The following COL4A2 variants were observed in gnomAD, a reference collection of about 807,000 sequenced individuals.
COL4A2 encodes collagen alpha-2(IV) chain.
A neutral mutation model predicts 200.2 loss-of-function variants in COL4A2; 99 were observed. The ratio of observed to expected loss-of-function variants is 0.49; its 90% CI spans 0.42 to 0.58. The LOEUF (loss-of-function observed/expected upper bound fraction) is 0.58. Among genes scored for constraint, COL4A2 ranks in the 20% least tolerant of loss-of-function variants. COL4A2 has a pLI of 0.00. For synonymous variants in COL4A2, 897 were observed against 900.6 expected (o/e 1.00, Z 0.07); for missense variants, 1,950 against 2,314.1 (o/e 0.84, Z 3.23).
At position 110,321,178 on chromosome 13, in the gene COL4A2, ATGTGTGTG is replaced by A. The variant is rs10602824; in HGVS notation, c.99+13065_99+13072del. On this transcript the variant is annotated intron_variant, in intron 3 of 47. Coordinates refer to ENST00000360467, the MANE Select transcript of COL4A2 (RefSeq NM_001846.4). Reference sequence around the variant, plus strand: ...ATATGTGCGTATTTATATAGTGTGCATGTGTGTGTGTGTGTGTATGTGTCTGTGTGTAT... The same window carrying A: ...ATATGTGCGTATTTATATAGTGTGCATGTGTGTGTATGTGTCTGTGTGTAT... Among the ~76,000 whole-genome samples the A allele has an allele frequency of 5.7e-3, 854 of 149,872 alleles. 7 individuals are homozygous for A. Among genetic ancestry groups the A allele is most frequent in the African/African-American group, 0.02 (806 of 40,724 alleles).
intron 47 of COL4A2, among the ~76,000 whole-genome samples, chr13:110,509,262 TATATATATAC>T (rs990761448): frequency 9.2e-5 from 11 of 120,090 alleles, no homozygotes; most frequent in South Asian, 2.7e-4. Context: ...TATATATATA[TATATATATAC>T]ACACACACAC....
At chr13:110,443,958 A>C (rs1881229912) in intron 16 of COL4A2, among the ~76,000 whole-genome samples, 1 of 152,196 alleles carries the variant, frequency 6.6e-6, no homozygotes, top group Non-Finnish European at 1.5e-5. Context: ...CAGTGGTCTC[A>C]GATGAACCCT....
intron 45 of COL4A2, 112 bp from the exon 46 acceptor site, chr13:110,506,303 T>G: frequency 9.9e-7 from 1 of 1,014,730 alleles, no homozygotes; most frequent in Non-Finnish European, 1.4e-6. Flanking sequence ...CACCAGGCCG[T>G]CCACTCTCTC....
intron 21 of COL4A2, chr13:110,458,231 A>G: frequency 2.4e-6 from 1 of 418,996 alleles, no homozygotes; most frequent in Non-Finnish European, 4.9e-6. Context: ...GCCCTGGGGG[A>G]GCCAACCCCT....
Position 110,493,300 on chromosome 13 carries a change from A to G in COL4A2, c.3634+18A>G. 6.2e-7 allele frequency: 1 copy of G among 1,613,718 alleles called. No individual in the cohort carries two copies. The highest frequency in any genetic ancestry group is 8.5e-7 in the Non-Finnish European group (1 of 1,179,732). On this transcript the variant is annotated intron_variant, in intron 39 of 47. Transcript: ENST00000360467. ...ATCCCCAGGTACTCTGTGCCGTCCC[A>G]GCCCCGAGTCCCACGCAGAGGTGTC...
intron 16 of COL4A2, 69 bp downstream of exon 16, chr13:110,439,902 C>T: frequency 6.5e-7 from 1 of 1,547,328 alleles, no homozygotes; most frequent in Non-Finnish European, 8.7e-7. Context: ...AATAAATAGG[C>T]CTTGGCATCT....
Position 110,445,895 on chromosome 13 carries a change from C to T in COL4A2, c.1011+13C>T. On this transcript the variant is annotated intron_variant, in intron 17 of 47. Coordinates refer to ENST00000360467, the MANE Select transcript of COL4A2 (RefSeq NM_001846.4). ...CCGGGGACCCAAGGTGAGCCCGTTT[C>T]TCATGTCTTTGCCACTTATGGTGTC... is the stretch of plus-strand genomic sequence containing the variant. 1 of 1,614,178 alleles carries T rather than the reference C, an allele frequency of 6.2e-7. No individual in the cohort carries two copies. Among genetic ancestry groups the T allele is most frequent in the East Asian group, 2.2e-5 (1 of 44,888 alleles).
intron 4 of COL4A2, among the ~76,000 whole-genome samples, chr13:110,403,520 C>T (rs1438618066): frequency 6.6e-6 from 1 of 152,180 alleles, no homozygotes; most frequent in African/African-American, 2.4e-5. Context: ...TCTGAGACCT[C>T]ATCAGAATGG....
intron 4 of COL4A2, among the ~76,000 whole-genome samples, chr13:110,417,981 C>A (rs1446463603): frequency 6.6e-6 from 1 of 152,084 alleles, no homozygotes; most frequent in Admixed American, 6.5e-5. Context: ...TCCAAAGAGG[C>A]TGCACCCTTT....
At chr13:110,386,287 T>TA (rs1008314519) in intron 4 of COL4A2, among the ~76,000 whole-genome samples, 4 of 149,714 alleles carry the variant, frequency 2.7e-5, no homozygotes, top group African/African-American at 9.7e-5. Flanking sequence ...ACCTTTGGTG[T>TA]AAAAAATCCT....
At chr13:110,405,376 G>A (rs1239104738) in intron 4 of COL4A2, among the ~76,000 whole-genome samples, 1 of 152,202 alleles carries the variant, frequency 6.6e-6, no homozygotes, top group Admixed American at 6.5e-5. Context: ...ATGGAAGCCT[G>A]GGTTGAGTCT....
At chr13:110,450,160 C>CTATA in intron 19 of COL4A2, 145 bp from the exon 20 acceptor site, 1 of 677,156 alleles carries the variant, frequency 1.5e-6, no homozygotes, top group East Asian at 2.6e-5. Flanking sequence ...GGATAATGAA[C>CTATA]TATACCAATG....
chr13:110,410,636 T>C (rs1176205184), intron 4 of COL4A2, among the ~76,000 whole-genome samples: 1 of 152,206 alleles, frequency 6.6e-6, no homozygotes, highest in Non-Finnish European at 1.5e-5. Flanking sequence ...ACCCTTTTGT[T>C]TTCTTCACGA....
intron 3 of COL4A2, among the ~76,000 whole-genome samples, chr13:110,335,451 A>C (rs574828406): frequency 2.0e-5 from 3 of 152,110 alleles, no homozygotes; most frequent in Admixed American, 6.5e-5. Context: ...TTGCTTGGTT[A>C]TCACTCTCTC....
intron 47 of COL4A2, among the ~76,000 whole-genome samples, chr13:110,511,325 T>TATATTTAATTACACAAGTAATAC: frequency 6.6e-6 from 1 of 151,994 alleles, no homozygotes; most frequent in South Asian, 2.1e-4. Context: ...TGAAAAAATA[T>TATATTTAATTACACAAGTAATAC]ATATTTAATT....
intron 25 of COL4A2, 75 bp downstream of exon 25, chr13:110,465,681 T>A: frequency 7.6e-7 from 1 of 1,318,482 alleles, no homozygotes; most frequent in Non-Finnish European, 1.0e-6. Flanking sequence ...TGTAGACGTT[T>A]CCCAGTAGAG....
intron 3 of COL4A2, among the ~76,000 whole-genome samples, chr13:110,321,072 A>G (rs1045628937): frequency 1.1e-4 from 16 of 152,152 alleles, no homozygotes; most frequent in Non-Finnish European, 1.5e-4. Context: ...CACATTATCA[A>G]TATAGCACCT....
intron 4 of COL4A2, among the ~76,000 whole-genome samples, chr13:110,377,213 G>C (rs1360092151): frequency 1.3e-5 from 2 of 152,160 alleles, no homozygotes; most frequent in Non-Finnish European, 2.9e-5. Context: ...TGCATTGTCA[G>C]ATGTTTCTTG....
chr13:110,507,636 G>A, intron 46 of COL4A2: 1 of 500,736 alleles, frequency 2.0e-6, no homozygotes, highest in South Asian at 2.4e-5. Context: ...CCCCACTAAG[G>A]TAAGGCTCAC....
Sources: allele counts gnomAD v4.1 joint callset (sites outside exome capture counted in the v4.1 genomes callset), GRCh38; gene constraint gnomAD v4.1.1; transcripts MANE v1.5; gene names NCBI Gene and HGNC (gene_info 2026-07-23, HGNC 2026-07-21).